Variants in EIF4EBP2 observed in about 807,000 individuals in gnomAD.
EIF4EBP2 encodes the protein eukaryotic translation initiation factor 4E binding protein 2, also known as eukaryotic translation initiation factor 4E-binding protein 2.
EIF4EBP2 carries 5 observed loss-of-function variants against 10.3 expected under a neutral mutation model. The ratio of observed to expected loss-of-function variants is 0.48; its 90% CI spans 0.25 to 1.02. The LOEUF is 1.02. Ranked by LOEUF, EIF4EBP2 falls within the 50% of genes least tolerant of loss-of-function variation. The pLI is 0.15. For missense variants in EIF4EBP2, 188 were observed against 162.2 expected (o/e 1.16, Z -0.86); for synonymous variants, 67 against 61.1 (o/e 1.10, Z -0.45).
At chr10:70,409,463 A>G (rs1348043368) in intron 1 of EIF4EBP2, among the ~76,000 whole-genome samples, 3 of 152,172 alleles carry the variant, frequency 2.0e-5, no homozygotes, top group Non-Finnish European at 2.9e-5. Flanking sequence ...TCATTTTATT[A>G]TTGAGAGAAA....
At chr10:70,412,643 CCTT>C (rs1228281078) in intron 1 of EIF4EBP2, among the ~76,000 whole-genome samples, 31 of 152,238 alleles carry the variant, frequency 2.0e-4, no homozygotes, top group Middle Eastern at 3.4e-3. Context: ...TATTCATTGA[CCTT>C]CTTGTTGTTT....
intron 1 of EIF4EBP2, among the ~76,000 whole-genome samples, chr10:70,415,365 G>A (rs1845083519): frequency 6.6e-6 from 1 of 152,118 alleles, no homozygotes; most frequent in Admixed American, 6.6e-5. Flanking sequence ...TAAGATGGTA[G>A]TACTCCACAA....
intron 1 of EIF4EBP2, among the ~76,000 whole-genome samples, chr10:70,412,085 G>C (rs1845051673): frequency 1.3e-5 from 2 of 152,136 alleles, no homozygotes; most frequent in South Asian, 4.1e-4. Flanking sequence ...AGTTTCCCCA[G>C]TGTTTGGTCT....
intron 1 of EIF4EBP2, among the ~76,000 whole-genome samples, chr10:70,411,900 T>C (rs764204968): frequency 3.3e-5 from 5 of 152,230 alleles, no homozygotes; most frequent in Non-Finnish European, 7.3e-5. Context: ...CAAACTAATA[T>C]GTATGTAATC....
At chr10:70,405,875 T>C (rs1163494594) in intron 1 of EIF4EBP2, among the ~76,000 whole-genome samples, 2 of 152,096 alleles carry the variant, frequency 1.3e-5, no homozygotes, top group Non-Finnish European at 1.5e-5. Flanking sequence ...TTCAGTAATA[T>C]ATATGGAGAG....
In EIF4EBP2 at chr10:70,404,244, A is replaced by G; in HGVS notation, c.-158A>G. 1 of 907,970 alleles carries G rather than the reference A, an allele frequency of 1.1e-6. No individual in the cohort carries two copies. Among genetic ancestry groups the G allele is most frequent in the Non-Finnish European group, 1.5e-6 (1 of 663,066 alleles). 56.2% of individuals were successfully genotyped at this position (907,970 alleles called of 1,614,324 possible). A position where few individuals can be genotyped will look rare whatever the true frequency, so the allele number is the denominator to read the frequency against. On this transcript the variant is annotated 5_prime_UTR_variant, in exon 1 of 3. Transcript: ENST00000373218. ...AGCGGCGGCGGCGGCGGCGGCTGAGAGGGCGGCGGCGGGAGCGGAGCGGGA... is the reference window on the plus strand; with the variant it reads ...AGCGGCGGCGGCGGCGGCGGCTGAGGGGGCGGCGGCGGGAGCGGAGCGGGA...
In EIF4EBP2 at chr10:70,427,438, T is replaced by A. The variant is rs963592250; in HGVS notation, c.*5691T>A. ...TAGTCATGGTTTTCCAGTTTAGTAGTGGAGTTTCTTGAGGCTAACTTACAG... is the reference window on the plus strand; with the variant it reads ...TAGTCATGGTTTTCCAGTTTAGTAGAGGAGTTTCTTGAGGCTAACTTACAG... On this transcript the variant is annotated 3_prime_UTR_variant, in exon 3 of 3. Coordinates refer to ENST00000373218, the MANE Select transcript of EIF4EBP2 (RefSeq NM_004096.5). 14 of 152,318 alleles carry A rather than the reference T, an allele frequency of 9.2e-5. No homozygotes were observed. The highest frequency in any genetic ancestry group is 3.1e-4 in the African/African-American group (13 of 41,578). 9.4% of individuals were successfully genotyped at this position (152,318 alleles called of 1,614,324 possible).
At chr10:70,407,428 G>A (rs1223469622) in intron 1 of EIF4EBP2, among the ~76,000 whole-genome samples, 4 of 152,028 alleles carry the variant, frequency 2.6e-5, no homozygotes, top group East Asian at 3.9e-4. Flanking sequence ...CACAGGGTTG[G>A]GGGTAAGGTC....
chr10:70,407,322 G>A (rs1252905144), intron 1 of EIF4EBP2, among the ~76,000 whole-genome samples: 3 of 152,012 alleles, frequency 2.0e-5, no homozygotes, highest in African/African-American at 4.8e-5. Context: ...GACTCTTAAC[G>A]AGCACGCTGC....
chr10:70,405,609 T>C (rs1486921190), intron 1 of EIF4EBP2, among the ~76,000 whole-genome samples: 1 of 152,188 alleles, frequency 6.6e-6, no homozygotes, highest in African/African-American at 2.4e-5. Context: ...ACTTCGCAGC[T>C]CCTGCGGTCT....
In EIF4EBP2 at chr10:70,404,737, C is replaced by T. The variant is rs111250705; in HGVS notation, c.145+191C>T. ...CGCTCTTGCCCGCAGCTCGAGTCGG[C>T]GCGCGCCCCACTCGGGAATGTGGCT... On this transcript the variant is annotated intron_variant, in intron 1 of 2. Transcript: ENST00000373218. Among the ~76,000 whole-genome samples the T allele has an allele frequency of 2.7e-3, 418 of 152,282 alleles. 3 individuals carry two copies. Among genetic ancestry groups the T allele is most frequent in the Non-Finnish European group, 5.4e-3 (365 of 68,014 alleles).
chr10:70,421,572 G>A (rs776661505), intron 2 of EIF4EBP2, 144 bp from the exon 3 acceptor site: 4 of 727,852 alleles, frequency 5.5e-6, no homozygotes, highest in Non-Finnish European at 9.1e-6. Flanking sequence ...ACCAGCCAAA[G>A]CAAAGCAGAG....
At chr10:70,412,238 A>G (rs1187542185) in intron 1 of EIF4EBP2, among the ~76,000 whole-genome samples, 3 of 151,948 alleles carry the variant, frequency 2.0e-5, no homozygotes, top group African/African-American at 7.3e-5. Context: ...TTGGAACTCT[A>G]TTTTATGAGG....
At chr10:70,410,671 A>C (rs144814393) in intron 1 of EIF4EBP2, among the ~76,000 whole-genome samples, 152 of 152,370 alleles carry the variant, frequency 1.0e-3, no homozygotes, top group African/African-American at 3.5e-3. Flanking sequence ...CAGAGAAAAC[A>C]CTTTCTTTGT....
chr10:70,419,778 G>C (rs1845135113), intron 1 of EIF4EBP2, 136 bp from the exon 2 acceptor site: 2 of 671,020 alleles, frequency 3.0e-6, no homozygotes, highest in Admixed American at 3.1e-5. Flanking sequence ...AGAGAGGTTA[G>C]AGATTATGCT....
At chr10:70,407,016 G>A (rs1196157121) in intron 1 of EIF4EBP2, among the ~76,000 whole-genome samples, 2 of 152,148 alleles carry the variant, frequency 1.3e-5, no homozygotes, top group Admixed American at 1.3e-4. Context: ...TCCTGCCTCA[G>A]CCTCCCGAGT....
intron 1 of EIF4EBP2, 27 bp downstream of exon 1, chr10:70,404,573 G>A: frequency 1.3e-6 from 2 of 1,512,036 alleles, no homozygotes; most frequent in Non-Finnish European, 1.8e-6. Flanking sequence ...CGTCCGCCGC[G>A]CCCGGTGTCC....
intron 1 of EIF4EBP2, among the ~76,000 whole-genome samples, chr10:70,406,514 A>T (rs1844965560): frequency 6.6e-6 from 1 of 152,210 alleles, no homozygotes; most frequent in Admixed American, 6.5e-5. Context: ...TTGGAAAGGG[A>T]ACTAAACTTT....
At chr10:70,421,361 A>G (rs1269278796) in intron 2 of EIF4EBP2, among the ~76,000 whole-genome samples, 1 of 152,138 alleles carries the variant, frequency 6.6e-6, no homozygotes, top group Non-Finnish European at 1.5e-5. Context: ...TTAATGGACA[A>G]AGTGTTAGTT....
Sources: allele counts gnomAD v4.1 joint callset (sites outside exome capture counted in the v4.1 genomes callset), GRCh38; gene constraint gnomAD v4.1.1; transcripts MANE v1.5; gene names NCBI Gene and HGNC (gene_info 2026-07-23, HGNC 2026-07-21).